Variants in LRFN3 observed in about 807,000 individuals in gnomAD.
LRFN3 encodes leucine rich repeat and fibronectin type III domain containing 3.
In LRFN3, 8 loss-of-function variants were observed where a neutral mutation model predicts 23.8. The ratio of observed to expected loss-of-function variants is 0.34; its 90% CI spans 0.20 to 0.61. LRFN3 has a LOEUF of 0.61. Among genes scored for constraint, LRFN3 ranks in the 20% least tolerant of loss-of-function variants. The pLI is 0.80. For missense variants in LRFN3, 736 were observed against 935.3 expected (o/e 0.79, Z 2.78); for synonymous variants, 451 against 450.6 (o/e 1.00, Z -0.01).
chr19:35,937,934 G>A (rs899228645), intron 1 of LRFN3, among the ~76,000 whole-genome samples: 2 of 151,756 alleles, frequency 1.3e-5, no homozygotes, highest in African/African-American at 2.4e-5. Context: ...GATCATCTTT[G>A]TGACACCCCT....
At position 35,940,373 on chromosome 19, in the gene LRFN3, C is replaced by T. The variant is rs759684398; in HGVS notation, c.948C>T (p.Arg316=). The change falls in exon 2 of 3, where the codon CGC becomes CGT. Residue 316 remains arginine, a synonymous_variant. Transcript: ENST00000246529. ...AVPAGRPAAL[R]CRAVGDPEPR... Reference sequence around the variant, plus strand: ...CCGCAGGTCGGCCGGCTGCCCTGCGCTGCCGGGCAGTGGGGGACCCAGAGC... The same window carrying T: ...CCGCAGGTCGGCCGGCTGCCCTGCGTTGCCGGGCAGTGGGGGACCCAGAGC... 1.3e-6 allele frequency: 2 copies of T among 1,570,986 alleles called. No homozygotes were observed. Among genetic ancestry groups the T allele is most frequent in the African/African-American group, 2.7e-5 (2 of 74,424 alleles).
At position 35,940,333 on chromosome 19, in the gene LRFN3, C is replaced by T; in HGVS notation, c.908C>T (p.Pro303Leu). The T allele has an allele frequency of 6.3e-7, 1 of 1,581,796 alleles. No homozygotes were observed. Among genetic ancestry groups the T allele is most frequent in the Non-Finnish European group, 8.6e-7 (1 of 1,169,006 alleles). ...CEPPVVTHRS[P>L]PLAVPAGRPA... is the part of the protein sequence containing the mutation. ...CCGCCCGTGGTGACTCACCGCTCAC[C>T]ACCTCTGGCTGTGCCCGCAGGTCGG... Residue 303 changes from proline to leucine, a missense_variant, in exon 2 of 3, where the codon CCA becomes CTA. Pro to Leu is a moderately conservative substitution (Grantham distance 98). This residue lies in a region of LRFN3 where 446 missense variants were observed against 647.9 expected (regional missense o/e 0.69). Coordinates refer to ENST00000246529, the MANE Select transcript of LRFN3 (RefSeq NM_024509.2).
rs1976061734 is a variant in LRFN3 at position 35,936,697 on chromosome 19, C to T, written c.-875C>T. The T allele has an allele frequency of 6.5e-6, 1 of 152,898 alleles. No individual in the cohort carries two copies. The highest frequency in any genetic ancestry group is 2.0e-4 in the South Asian group (1 of 4,926). The allele number at this position is 152,898 out of a possible 1,614,324, so 9.5% of individuals were successfully genotyped here. On this transcript the variant is annotated 5_prime_UTR_variant, in exon 1 of 3. Transcript: ENST00000246529. ...GCAGCCCAGGAAGCCAGCCGGGACG[C>T]CGCCGCCCCGGACCCCGCGCCCTAA...
chr19:35,946,014 T>A lies in LRFN3; in HGVS notation c.*995T>A, dbSNP rs562166045. Among the ~76,000 whole-genome samples the A allele has an allele frequency of 2.8e-4, 43 of 151,838 alleles. No homozygotes were observed. Among genetic ancestry groups the A allele is most frequent in the African/African-American group, 1.0e-3 (42 of 41,356 alleles). On this transcript the variant is annotated 3_prime_UTR_variant, in exon 3 of 3. Transcript: ENST00000246529. ...GGGTTGACAGAGACACTCGGGAAAC[T>A]GTGGGAAGCTGAGGCGGTGGGTTAT...
At chr19:35,938,383 CTCTT>C (rs1441053440) in intron 1 of LRFN3, among the ~76,000 whole-genome samples, 2 of 151,578 alleles carry the variant, frequency 1.3e-5, no homozygotes, top group Admixed American at 1.3e-4. Flanking sequence ...CACCTCTTCT[CTCTT>C]TCTCACTCAC....
Position 35,936,575 on chromosome 19 carries a change from C to T in LRFN3, c.-997C>T, listed in dbSNP as rs1976058961. On this transcript the variant is annotated 5_prime_UTR_variant, in exon 1 of 3. Coordinates refer to ENST00000246529, the MANE Select transcript of LRFN3 (RefSeq NM_024509.2). ...GCGTGTCCCAGTCTGTCTGACCGTC[C>T]CTCCGCTCCCAGGCCTCGCCCCACC... The T allele has an allele frequency of 1.3e-5, 2 of 151,976 alleles. No individual in the cohort carries two copies. The highest frequency in any genetic ancestry group is 4.2e-4 in the South Asian group (2 of 4,806). The allele number at this position is 151,976 out of a possible 1,614,324, so 9.4% of individuals were successfully genotyped here.
At position 35,944,810 on chromosome 19, in the gene LRFN3, A is replaced by T; in HGVS notation, c.1678A>T (p.Met560Leu). Residue 560 changes from methionine (M) to leucine (L), a missense_variant, in exon 3 of 3, where the codon ATG becomes TTG. Met to Leu is a conservative substitution (Grantham distance 15, BLOSUM62 2). Coordinates refer to ENST00000246529, the MANE Select transcript of LRFN3 (RefSeq NM_024509.2). This position sits in a 1 kb window ranked among gnomAD's most constrained non-coding sequence, Gnocchi z 4.5. ...SVLVFIFVLLMRYKVHGGQPP... is the reference protein window; with the variant it reads ...SVLVFIFVLLLRYKVHGGQPP... Reference sequence around the variant, plus strand: ...ACTGGTCTTCATCTTCGTGCTGCTAATGCGCTACAAGGTGCACGGCGGCCA... The same window carrying T: ...ACTGGTCTTCATCTTCGTGCTGCTATTGCGCTACAAGGTGCACGGCGGCCA... The T allele has an allele frequency of 6.2e-7, 1 of 1,610,482 alleles. No individual in the cohort carries two copies. The highest frequency in any genetic ancestry group is 8.5e-7 in the Non-Finnish European group (1 of 1,179,248).
chr19:35,939,993 A>C lies in LRFN3; in HGVS notation c.568A>C (p.Asn190His). The part of the protein sequence containing the change: ...GNVNTLGLDH[N>H]LLASVPAGAF... ...CGTCAACACGTTGGGCCTCGACCAC[A>C]ACCTGCTGGCTTCTGTGCCCGCCGG... Residue 190 changes from asparagine (N) to histidine (H), a missense_variant, in exon 2 of 3, where the codon AAC becomes CAC. Asn to His is a moderately conservative substitution (Grantham distance 68). Around this residue, in one of 2 missense-constraint regions of LRFN3, gnomAD observed 446 missense variants for 647.9 expected, o/e 0.69. Coordinates refer to ENST00000246529, the MANE Select transcript of LRFN3 (RefSeq NM_024509.2). This position sits in a 1 kb window ranked among gnomAD's most constrained non-coding sequence, Gnocchi z 6.4. 6.2e-7 allele frequency: 1 copy of C among 1,611,602 alleles called. No individual in the cohort carries two copies. The highest frequency in any genetic ancestry group is 8.5e-7 in the Non-Finnish European group (1 of 1,179,882).
chr19:35,943,344 AAAAG>A (rs1257861576), intron 2 of LRFN3, among the ~76,000 whole-genome samples: 3 of 152,224 alleles, frequency 2.0e-5, no homozygotes, highest in Non-Finnish European at 4.4e-5. Flanking sequence ...AACAGGGAGA[AAAAG>A]AAAGCAGTAG....
chr19:35,938,979 G>A (rs1311495404), intron 1 of LRFN3, among the ~76,000 whole-genome samples: 1 of 152,124 alleles, frequency 6.6e-6, no homozygotes, highest in Non-Finnish European at 1.5e-5. Flanking sequence ...CTTTTGGAGA[G>A]ACAGAGTCAC....
At position 35,939,420 on chromosome 19, in the gene LRFN3, C is replaced by T; in HGVS notation, c.-6C>T. ...CCCTCTTCTCCGCAGGACACCCCTG[C>T]CCGCGATGGCCATCCTCCCGTTGCT... On this transcript the variant is annotated 5_prime_UTR_variant, in exon 2 of 3. Transcript: ENST00000246529. The surrounding 1 kb of genome is among the most constrained non-coding windows in gnomAD (Gnocchi z 6.4). 2 of 1,573,334 alleles carry T rather than the reference C, an allele frequency of 1.3e-6. No individual in the cohort carries two copies. The highest frequency in any genetic ancestry group is 1.7e-4 in the Middle Eastern group (1 of 5,716).
intron 1 of LRFN3, among the ~76,000 whole-genome samples, chr19:35,938,459 A>G (rs1214377070): frequency 6.7e-6 from 1 of 149,088 alleles, no homozygotes; most frequent in Non-Finnish European, 1.5e-5. Context: ...CCCTCTGATC[A>G]TCTCTGGCCA....
Position 35,945,039 on chromosome 19 carries a change from A to C in LRFN3, c.*20A>C. 1.5e-6 allele frequency: 2 copies of C among 1,317,890 alleles called. No homozygotes were observed. Among genetic ancestry groups the C allele is most frequent in the Non-Finnish European group, 2.0e-6 (2 of 1,022,036 alleles). The allele number at this position is 1,317,890 out of a possible 1,614,324, so 81.6% of individuals were successfully genotyped here. On this transcript the variant is annotated 3_prime_UTR_variant, in exon 3 of 3. Transcript: ENST00000246529. ...CCCTAGCCAGGCGCCCCCCCCTCTA[A>C]GGGTCCTCTGGCCCCACGGACAGCA...
At position 35,940,039 on chromosome 19, in the gene LRFN3, A is replaced by G. The variant is rs556142420; in HGVS notation, c.614A>G (p.Lys205Arg). The change falls in exon 2 of 3, where the codon AAG becomes AGG. Residue 205 changes from lysine (K) to arginine (R), a missense_variant. Transcript: ENST00000246529. Reference protein sequence around the residue: ...VPAGAFSRLHKLARLDMTSNR... With the variant: ...VPAGAFSRLHRLARLDMTSNR... ...GCCGGCGCTTTTTCCCGCCTGCACA[A>G]GCTGGCCCGGCTGGACATGACCTCC... 7.4e-6 allele frequency: 12 copies of G among 1,612,470 alleles called. No homozygotes were observed. In the African/African-American group the frequency reaches 1.1e-4, roughly 14 times the overall value.
chr19:35,939,669 A>G lies in LRFN3; in HGVS notation c.244A>G (p.Met82Val). 1 of 1,607,900 alleles carries G rather than the reference A, an allele frequency of 6.2e-7. No individual in the cohort carries two copies. Among genetic ancestry groups the G allele is most frequent in the Non-Finnish European group, 8.5e-7 (1 of 1,179,248 alleles). Residue 82 changes from methionine to valine, a missense_variant, in exon 2 of 3, where the codon ATG becomes GTG. Around this residue, in one of 2 missense-constraint regions of LRFN3, gnomAD observed 446 missense variants for 647.9 expected, o/e 0.69. Transcript: ENST00000246529. This position sits in a 1 kb window ranked among gnomAD's most constrained non-coding sequence, Gnocchi z 6.4. ...ASVRRRDLAN[M>V]TGLLHLSLSR... The stretch of plus-strand genomic sequence containing the variant: ...CGTGCGCCGCCGCGACCTGGCCAAC[A>G]TGACAGGCCTGCTGCATCTGAGCCT...
At position 35,939,456 on chromosome 19, in the gene LRFN3, C is replaced by T; in HGVS notation, c.31C>T (p.Leu11=). Residue 11 remains leucine, a synonymous_variant, in exon 2 of 3, where the codon CTG becomes TTG. Transcript: ENST00000246529. This position sits in a 1 kb window ranked among gnomAD's most constrained non-coding sequence, Gnocchi z 6.4. The part of the protein sequence containing the change: MAILPLLLCL[L]PLAPASSPPQ... ...CATCCTCCCGTTGCTCCTGTGCCTG[C>T]TGCCGCTGGCCCCTGCCTCATCCCC... 6.3e-7 allele frequency: 1 copy of T among 1,594,718 alleles called. No homozygotes were observed. Among genetic ancestry groups the T allele is most frequent in the Non-Finnish European group, 8.5e-7 (1 of 1,172,322 alleles).
intron 2 of LRFN3, among the ~76,000 whole-genome samples, chr19:35,943,072 A>C (rs1363590233): frequency 6.6e-6 from 1 of 150,904 alleles, no homozygotes; most frequent in Non-Finnish European, 1.5e-5. Context: ...CCACCTTGCC[A>C]GGTGGGGAAT....
At chr19:35,941,129 G>T (rs1976116555) in intron 2 of LRFN3, among the ~76,000 whole-genome samples, 1 of 152,152 alleles carries the variant, frequency 6.6e-6, no homozygotes, top group Admixed American at 6.5e-5. Context: ...GGCTAAAAAA[G>T]ATCAAGCAAT....
At position 35,944,483 on chromosome 19, in the gene LRFN3, G is replaced by GTGGGGGAAGCACAGGT. The variant is rs1199933614; in HGVS notation, c.1416-58_1416-43dup. On this transcript the variant is annotated intron_variant, in intron 2 of 2. Coordinates refer to ENST00000246529, the MANE Select transcript of LRFN3 (RefSeq NM_024509.2). This position sits in a 1 kb window ranked among gnomAD's most constrained non-coding sequence, Gnocchi z 4.5. ...GAAGTCTAGCCCCGCAGGGAGTTTG[G>GTGGGGGAAGCACAGGT]TGGGGGAAGCACAGGTTGGGGGCTG... 1 of 1,190,094 alleles carries GTGGGGGAAGCACAGGT rather than the reference G, an allele frequency of 8.4e-7. No homozygotes were observed. Among genetic ancestry groups the GTGGGGGAAGCACAGGT allele is most frequent in the African/African-American group, 1.6e-5 (1 of 62,070 alleles). The allele number at this position is 1,190,094 out of a possible 1,614,324, so 73.7% of individuals were successfully genotyped here.
Sources: allele counts gnomAD v4.1 joint callset (sites outside exome capture counted in the v4.1 genomes callset), GRCh38; gene constraint gnomAD v4.1.1; regional missense constraint gnomAD v4.1.1; non-coding constraint Gnocchi (gnomAD v3.1); transcripts MANE v1.5; gene names NCBI Gene and HGNC (gene_info 2026-07-23, HGNC 2026-07-21).